The following NALF1 variants were observed in gnomAD, a reference collection of about 807,000 sequenced individuals.
NALF1 encodes family with sequence similarity 155 member A.
Under a neutral mutation model 48.4 loss-of-function variants are expected in NALF1, and 3 were observed. The observed-to-expected ratio is 0.06, with a 90% confidence interval of 0.03 to 0.16. The LOEUF is 0.16. Ranked by LOEUF, NALF1 falls within the 10% of genes least tolerant of loss-of-function variation. The pLI is 1.00. For missense variants in NALF1, 526 were observed against 571.5 expected, an observed-to-expected ratio of 0.92 and a Z score of 0.81; for synonymous variants, 262 against 245.7, an observed-to-expected ratio of 1.07 and a Z score of -0.62.
At chr13:107,721,984 C>A (rs1370385401) in intron 1 of NALF1, among the ~76,000 whole-genome samples, 1 of 152,116 alleles carries the variant, frequency 6.6e-6, no homozygotes, top group East Asian at 1.9e-4. Context: ...GAGGGTTCCC[C>A]CCCTCTTGCC....
At chr13:107,537,471 G>C (rs1387803598) in intron 1 of NALF1, among the ~76,000 whole-genome samples, 2 of 152,106 alleles carry the variant, frequency 1.3e-5, no homozygotes, top group African/African-American at 4.8e-5. Flanking sequence ...GATTTCTATA[G>C]TAACAAAGTA....
intron 1 of NALF1, among the ~76,000 whole-genome samples, chr13:107,847,838 C>T (rs1218877693): frequency 6.6e-6 from 1 of 152,194 alleles, no homozygotes; most frequent in African/African-American, 2.4e-5. Context: ...AGATAATAAA[C>T]ACGACTTGTT....
chr13:107,328,643 C>G (rs551364020), intron 1 of NALF1, among the ~76,000 whole-genome samples: 1 of 152,144 alleles, frequency 6.6e-6, no homozygotes, highest in Admixed American at 6.5e-5. Context: ...ATGAATAGTA[C>G]AATGCCTCAA....
At chr13:107,628,542 T>C (rs982944232) in intron 1 of NALF1, among the ~76,000 whole-genome samples, 1 of 152,178 alleles carries the variant, frequency 6.6e-6, no homozygotes, top group Admixed American at 6.6e-5. Context: ...TACCCATTAC[T>C]TCTCCTTTCG....
intron 1 of NALF1, among the ~76,000 whole-genome samples, chr13:107,241,356 G>A (rs1191588423): frequency 6.6e-6 from 1 of 152,166 alleles, no homozygotes; most frequent in East Asian, 1.9e-4. Context: ...ACAGTGATGT[G>A]ATCTCTAGCA....
chr13:107,399,722 C>T (rs943574478), intron 1 of NALF1, among the ~76,000 whole-genome samples: 3 of 152,092 alleles, frequency 2.0e-5, no homozygotes, highest in Admixed American at 6.6e-5. Flanking sequence ...AAGAGGAAAA[C>T]GAGTAGCAGA....
chr13:107,600,566 T>G (rs966173259), intron 1 of NALF1, among the ~76,000 whole-genome samples: 4 of 152,332 alleles, frequency 2.6e-5, no homozygotes, highest in African/African-American at 7.2e-5. Flanking sequence ...CTCCACAAAC[T>G]GAGATACTGG....
intron 1 of NALF1, among the ~76,000 whole-genome samples, chr13:107,676,597 A>C (rs1440547092): frequency 7.6e-5 from 8 of 105,096 alleles, no homozygotes; most frequent in Non-Finnish European, 1.6e-4. Flanking sequence ...CATTAAATTA[A>C]TTTAATTTAA....
chr13:107,239,262 C>T (rs1422723300), intron 1 of NALF1, among the ~76,000 whole-genome samples: 6 of 152,172 alleles, frequency 3.9e-5, no homozygotes, highest in East Asian at 1.9e-4. Flanking sequence ...GCCGACAGGC[C>T]ATGCTCTCTC....
intron 1 of NALF1, among the ~76,000 whole-genome samples, chr13:107,259,456 G>T (rs1216134859): frequency 6.6e-6 from 1 of 152,158 alleles, no homozygotes; most frequent in East Asian, 1.9e-4. Flanking sequence ...TTGCAGATTT[G>T]TCTGTCCCCT....
At chr13:107,257,901 C>A (rs993913590) in intron 1 of NALF1, among the ~76,000 whole-genome samples, 5 of 152,152 alleles carry the variant, frequency 3.3e-5, no homozygotes, top group African/African-American at 9.6e-5. Context: ...CAGCTCTCAG[C>A]AACTCATGCT....
chr13:107,214,806 G>A (rs1352119788), intron 1 of NALF1, among the ~76,000 whole-genome samples: 3 of 152,138 alleles, frequency 2.0e-5, no homozygotes, highest in African/African-American at 4.8e-5. Context: ...CTTAATACTT[G>A]AATCGATTTT....
intron 1 of NALF1, among the ~76,000 whole-genome samples, chr13:107,779,308 T>C (rs1187850513): frequency 6.6e-6 from 1 of 152,256 alleles, no homozygotes; most frequent in Non-Finnish European, 1.5e-5. Flanking sequence ...CAGAAAAGGC[T>C]ACCTCTGATA....
At chr13:107,840,893 T>C (rs978488530) in intron 1 of NALF1, among the ~76,000 whole-genome samples, 3 of 152,146 alleles carry the variant, frequency 2.0e-5, no homozygotes, top group Non-Finnish European at 4.4e-5. Flanking sequence ...CTACTCATCT[T>C]TATTATTTGA....
At chr13:107,597,443 G>A (rs1878786556) in intron 1 of NALF1, among the ~76,000 whole-genome samples, 1 of 152,142 alleles carries the variant, frequency 6.6e-6, no homozygotes, top group Non-Finnish European at 1.5e-5. Context: ...TTACTTTGAA[G>A]CCTCTCCTTT....
intron 1 of NALF1, among the ~76,000 whole-genome samples, chr13:107,617,930 T>A (rs1050280810): frequency 7.2e-5 from 11 of 152,216 alleles, no homozygotes; most frequent in Non-Finnish European, 1.6e-4. Flanking sequence ...AATTGCTTTA[T>A]AACTAAACTG....
At chr13:107,794,513 G>A (rs1402532438) in intron 1 of NALF1, among the ~76,000 whole-genome samples, 1 of 146,796 alleles carries the variant, frequency 6.8e-6, no homozygotes, top group African/African-American at 2.5e-5. Flanking sequence ...TTAACAATAT[G>A]TCAAAATATT....
intron 1 of NALF1, among the ~76,000 whole-genome samples, chr13:107,469,587 C>T (rs1463464313): frequency 1.3e-5 from 2 of 151,984 alleles, no homozygotes; most frequent in Non-Finnish European, 2.9e-5. Context: ...CTCTGGATTA[C>T]TTATAATACC....
chr13:107,652,704 A>C (rs1378884080), intron 1 of NALF1, among the ~76,000 whole-genome samples: 1 of 152,114 alleles, frequency 6.6e-6, no homozygotes, highest in Non-Finnish European at 1.5e-5. Flanking sequence ...CTAACTCATT[A>C]GGCATTGTTC....
Sources: gnomAD v4.1 joint callset for allele counts (sites outside exome capture counted in the v4.1 genomes callset) on GRCh38, gnomAD v4.1.1 for gene constraint, MANE v1.5 for transcripts, NCBI Gene and HGNC (gene_info 2026-07-23, HGNC 2026-07-21) for gene names.